ADGRD1: variants seen among roughly 807,000 people sequenced by gnomAD.
The protein encoded by ADGRD1 is adhesion G protein-coupled receptor D1.
In ADGRD1, 77 loss-of-function variants were observed where a neutral mutation model predicts 113.4. The observed-to-expected ratio is 0.68, with a 90% confidence interval of 0.57 to 0.82. The LOEUF (loss-of-function observed/expected upper bound fraction) is 0.82. Ranked by LOEUF, ADGRD1 falls within the 40% of genes least tolerant of loss-of-function variation. ADGRD1 has a pLI of 0.00. For synonymous variants in ADGRD1, 474 were observed against 475.0 expected (o/e 1.00, Z 0.03); for missense variants, 1,036 against 1,139.1 (o/e 0.91, Z 1.30).
At chr12:130,979,162 C>T (rs1446863381) in intron 4 of ADGRD1, among the ~76,000 whole-genome samples, 3 of 152,200 alleles carry the variant, frequency 2.0e-5, no homozygotes, top group East Asian at 1.9e-4. Context: ...CGGTAACCCA[C>T]ATTACTGGGC....
At chr12:131,032,030 G>A (rs149104622) in intron 13 of ADGRD1, among the ~76,000 whole-genome samples, 22 of 152,302 alleles carry the variant, frequency 1.4e-4, no homozygotes, top group African/African-American at 4.6e-4. Context: ...GGTTCCTGCC[G>A]CTGTGCCCCA....
chr12:130,974,606 G>A (rs1175978718), intron 4 of ADGRD1, among the ~76,000 whole-genome samples: 3 of 152,162 alleles, frequency 2.0e-5, no homozygotes, highest in Admixed American at 6.5e-5. Context: ...GAAAAACAAC[G>A]CTTAAATAGA....
intron 8 of ADGRD1, among the ~76,000 whole-genome samples, chr12:130,998,495 C>T (rs1002636459): frequency 5.3e-5 from 8 of 152,004 alleles, no homozygotes; most frequent in African/African-American, 4.8e-5. Context: ...GATGGAGTCT[C>T]GCTCTGTCAC....
chr12:131,037,187 T>C (rs1881566598), intron 13 of ADGRD1, among the ~76,000 whole-genome samples: 1 of 134,468 alleles, frequency 7.4e-6, no homozygotes, highest in East Asian at 2.4e-4. Flanking sequence ...CCTTACTGCA[T>C]GGGGCCTCAC....
Position 131,060,656 on chromosome 12 carries a change from A to G in ADGRD1, c.1474-16145A>G, listed in dbSNP as rs553036863. On this transcript the variant is annotated intron_variant, in intron 13 of 24. Transcript: ENST00000261654. The surrounding 1 kb of genome is among the most constrained non-coding windows in gnomAD (Gnocchi z 4.4). ...TCTGATTCTTACTCTTTGTCCAACA[A>G]CATCAGAGTCAGTTACCCCTGCCTG... 8.9e-4 allele frequency among the ~76,000 whole-genome samples: 135 copies of G among 152,304 alleles called. No homozygotes were observed. In the Middle Eastern group the frequency reaches 0.02, roughly 23 times the overall value.
Position 131,141,087 on chromosome 12 carries a change from CTG to C in ADGRD1, c.*1826_*1827del, listed in dbSNP as rs1419922276. On this transcript the variant is annotated 3_prime_UTR_variant, in exon 25 of 25. Coordinates refer to ENST00000261654, the MANE Select transcript of ADGRD1 (RefSeq NM_198827.5). ...CGGTGAGCACCTAGAAGTGAGAACA[CTG>C]TATTCCTACAATGTACACTTGGATA... 1 of 152,248 alleles carries C rather than the reference CTG, an allele frequency of 6.6e-6. No homozygotes were observed. Among genetic ancestry groups the C allele is most frequent in the Non-Finnish European group, 1.5e-5 (1 of 68,046 alleles). 9.4% of individuals were successfully genotyped at this position (152,248 alleles called of 1,614,324 possible).
intron 13 of ADGRD1, among the ~76,000 whole-genome samples, chr12:131,034,819 T>C (rs76650475): frequency 0.026 from 3,955 of 152,170 alleles, 168 homozygotes; most frequent in African/African-American, 0.091. Context: ...ACCTTGGAAA[T>C]GTCACTGCAC....
intron 12 of ADGRD1, among the ~76,000 whole-genome samples, chr12:131,013,899 T>C (rs983267978): frequency 2.6e-5 from 4 of 152,254 alleles, no homozygotes; most frequent in Non-Finnish European, 5.9e-5. Flanking sequence ...ATAAACTCTT[T>C]GAGGTCGAGG....
At chr12:130,976,356 G>C (rs1161052909) in intron 4 of ADGRD1, among the ~76,000 whole-genome samples, 1 of 152,150 alleles carries the variant, frequency 6.6e-6, no homozygotes, top group Non-Finnish European at 1.5e-5. Flanking sequence ...TGCAAGATGA[G>C]CCTGAGCTGC....
intron 13 of ADGRD1, chr12:131,069,543 A>G (rs1042500924): frequency 3.9e-5 from 6 of 152,328 alleles, no homozygotes; most frequent in Non-Finnish European, 1.5e-5. Flanking sequence ...AAGGTTAACT[A>G]TTGCCATCAT....
chr12:131,065,214 A>G (rs1005776617), intron 13 of ADGRD1, among the ~76,000 whole-genome samples: 2 of 152,180 alleles, frequency 1.3e-5, no homozygotes, highest in Non-Finnish European at 2.9e-5. Flanking sequence ...TTTCTGTACC[A>G]GGTGAGTGGC....
intron 13 of ADGRD1, among the ~76,000 whole-genome samples, chr12:131,072,158 C>T (rs1220725885): frequency 1.3e-5 from 2 of 151,502 alleles, no homozygotes; most frequent in African/African-American, 2.4e-5. Context: ...ACAAACCGAG[C>T]GTGAGAATCA....
intron 4 of ADGRD1, among the ~76,000 whole-genome samples, chr12:130,972,921 A>C (rs545094812): frequency 6.6e-6 from 1 of 152,170 alleles, no homozygotes; most frequent in Non-Finnish European, 1.5e-5. Context: ...GACCAGCGGG[A>C]AATCAGAGCT....
At chr12:131,068,563 C>T (rs1884907884) in intron 13 of ADGRD1, among the ~76,000 whole-genome samples, 1 of 152,282 alleles carries the variant, frequency 6.6e-6, no homozygotes, top group South Asian at 2.1e-4. Context: ...ACATACAGGC[C>T]TCTATGAACC....
Position 130,966,564 on chromosome 12 carries a change from G to A in ADGRD1, c.187+18G>A. 5 of 1,540,872 alleles carry A rather than the reference G, an allele frequency of 3.2e-6. No homozygotes were observed. The highest frequency in any genetic ancestry group is 4.5e-6 in the Non-Finnish European group (5 of 1,113,236). On this transcript the variant is annotated intron_variant, in intron 3 of 24. Coordinates refer to ENST00000261654, the MANE Select transcript of ADGRD1 (RefSeq NM_198827.5). The surrounding 1 kb of genome is among the most constrained non-coding windows in gnomAD (Gnocchi z 4.6). ...AACTGGAGGTAGAGACGCGGGTGCT[G>A]AGAGCGGCTGTGGGCGCGGGAATCC...
rs201453863 is a variant in ADGRD1 at position 130,954,700 on chromosome 12, C to A, written c.103+40C>A. 3.3e-5 allele frequency: 53 copies of A among 1,585,764 alleles called. No homozygotes were observed. The South Asian group carries it at 5.5e-4, about 17-fold the overall frequency. ...TTCTCACTCTGAGCACCGCTCTCCCCCTGCCTAGTGCAGGTATCTCAGGAA... is the reference window on the plus strand; with the variant it reads ...TTCTCACTCTGAGCACCGCTCTCCCACTGCCTAGTGCAGGTATCTCAGGAA... On this transcript the variant is annotated intron_variant, in intron 2 of 24. Transcript: ENST00000261654. The surrounding 1 kb of genome is among the most constrained non-coding windows in gnomAD (Gnocchi z 4.7).
Position 130,971,399 on chromosome 12 carries a change from T to C in ADGRD1, c.188-59T>C. On this transcript the variant is annotated intron_variant, in intron 3 of 24. Coordinates refer to ENST00000261654, the MANE Select transcript of ADGRD1 (RefSeq NM_198827.5). The surrounding 1 kb of genome is among the most constrained non-coding windows in gnomAD (Gnocchi z 4.2). ...GTTATTTGTAGGTCTGACACACATCTTCAGACTTTTAATCTCGGAAGGTTA... is the reference window on the plus strand; with the variant it reads ...GTTATTTGTAGGTCTGACACACATCCTCAGACTTTTAATCTCGGAAGGTTA... 6.7e-7 allele frequency: 1 copy of C among 1,491,238 alleles called. No homozygotes were observed. Among genetic ancestry groups the C allele is most frequent in the South Asian group, 1.2e-5 (1 of 82,858 alleles). 92.4% of individuals were successfully genotyped at this position (1,491,238 alleles called of 1,614,324 possible).
chr12:131,137,225 A>G, intron 23 of ADGRD1: 1 of 605,866 alleles, frequency 1.7e-6, no homozygotes, highest in East Asian at 2.8e-5. Context: ...ATATGCAAGC[A>G]TCCTCTCTCC....
chr12:131,121,906 C>G (rs1950605043), intron 20 of ADGRD1: 1 of 152,322 alleles, frequency 6.6e-6, no homozygotes, highest in Non-Finnish European at 1.5e-5. Flanking sequence ...CAGAACCAAT[C>G]AGGGAAATGG....
Sources: gnomAD v4.1 joint callset for allele counts (sites outside exome capture counted in the v4.1 genomes callset) on GRCh38, gnomAD v4.1.1 for gene constraint, Gnocchi (gnomAD v3.1) non-coding constraint, MANE v1.5 for transcripts, NCBI Gene and HGNC (gene_info 2026-07-23, HGNC 2026-07-21) for gene names.